The following LCT variants were observed in gnomAD, a reference collection of about 807,000 sequenced individuals.
The protein encoded by LCT is lactase/phlorizin hydrolase.
LCT carries 90 observed loss-of-function variants against 173.0 expected under a neutral mutation model. The ratio of observed to expected loss-of-function variants is 0.52; its 90% confidence interval spans 0.44 to 0.62. The LOEUF (loss-of-function observed/expected upper bound fraction) is 0.62. Ranked by LOEUF, LCT falls within the 20% of genes least tolerant of loss-of-function variation. The pLI is 0.00. For synonymous variants in LCT, 853 were observed against 957.6 expected (o/e 0.89, Z 2.02); for missense variants, 1,864 against 2,431.4 (o/e 0.77, Z 4.91).
intron 5 of LCT, among the ~76,000 whole-genome samples, chr2:135,819,097 G>A (rs2077807043): frequency 6.6e-6 from 1 of 152,186 alleles, no homozygotes; most frequent in Non-Finnish European, 1.5e-5. Context: ...ACTTCTCCTT[G>A]CACACAGCTT....
At chr2:135,829,204 A>G (rs943380944) in intron 3 of LCT, among the ~76,000 whole-genome samples, 1 of 152,030 alleles carries the variant, frequency 6.6e-6, no homozygotes, top group African/African-American at 2.4e-5. Flanking sequence ...AAAAAAAATT[A>G]CCATCATAAC....
intron 1 of LCT, 27 bp downstream of exon 1, chr2:135,836,503 G>A (rs766090329): frequency 2.5e-6 from 4 of 1,611,154 alleles, no homozygotes; most frequent in Non-Finnish European, 3.4e-6. Context: ...TTGCCGAGGG[G>A]TCACCATCAG....
At chr2:135,836,487 T>G in intron 1 of LCT, 43 bp downstream of exon 1, 1 of 1,591,536 alleles carries the variant, frequency 6.3e-7, no homozygotes. Flanking sequence ...AGGTGTGTGA[T>G]GAAGGTTGCC....
intron 1 of LCT, among the ~76,000 whole-genome samples, chr2:135,835,482 G>GTATATATATATATATATA (rs55900419): frequency 1.5e-5 from 1 of 67,948 alleles, no homozygotes; most frequent in Non-Finnish European, 4.1e-5. Flanking sequence ...GAACATAGAA[G>GTATATATATATATATATA]TATATATATA....
At chr2:135,818,213 C>G in intron 5 of LCT, 152 bp from the exon 6 acceptor site, 1 of 850,710 alleles carries the variant, frequency 1.2e-6, no homozygotes, top group Non-Finnish European at 1.9e-6. Context: ...CAGGAAGTAA[C>G]TGGCAGATGG....
In LCT at chr2:135,817,933, G is replaced by A. The variant is rs761923152; in HGVS notation, c.1115C>T (p.Ala372Val). The A allele has an allele frequency of 6.9e-5, 111 of 1,613,880 alleles. No homozygotes were observed. Among genetic ancestry groups the A allele is most frequent in the Non-Finnish European group, 8.7e-5 (103 of 1,180,012 alleles). The change falls in exon 6 of 17, where the codon GCG (alanine) becomes GTG (valine). Residue 372 changes from alanine (A) to valine (V), a missense_variant. Ala to Val is a moderately conservative substitution (Grantham distance 64, BLOSUM62 0). Coordinates refer to ENST00000264162, the MANE Select transcript of LCT (RefSeq NM_002299.4). The part of the protein sequence containing the change: ...IWEAFANQSR[A>V]ERDAFLQDTF... Reference sequence around the variant, plus strand: ...ATCCTGCAGGAAGGCATCCCTTTCCGCCCTGGACTGATTGGCAAATGCTTC... The same window carrying A: ...ATCCTGCAGGAAGGCATCCCTTTCCACCCTGGACTGATTGGCAAATGCTTC...
chr2:135,835,808 T>G (rs1679328342), intron 1 of LCT, among the ~76,000 whole-genome samples: 1 of 149,466 alleles, frequency 6.7e-6, no homozygotes, highest in Non-Finnish European at 1.5e-5. Context: ...CAATGTAAGC[T>G]CCAACTAAGA....
intron 3 of LCT, among the ~76,000 whole-genome samples, chr2:135,828,966 G>A (rs138106818): frequency 0.013 from 1,930 of 152,248 alleles, 44 homozygotes; most frequent in African/African-American, 0.044. Flanking sequence ...CAAGGTGGGC[G>A]GATCACTTTA....
At position 135,812,465 on chromosome 2, in the gene LCT, C is replaced by T. The variant is rs368409867; in HGVS notation, c.2199G>A (p.Arg733=). 4.3e-6 allele frequency: 7 copies of T among 1,614,230 alleles called. No individual in the cohort carries two copies. The highest frequency in any genetic ancestry group is 5.1e-6 in the Non-Finnish European group (6 of 1,180,036). ...SWIRVVPWGI[R]RLLQFVSLEY... ...CCAGGGATACAAACTGCAACAGCCT[C>T]CTTATCCCCCAGGGCACCACACGAA... Residue 733 remains arginine, a synonymous_variant, in exon 7 of 17, where the codon AGG becomes AGA. Coordinates refer to ENST00000264162, the MANE Select transcript of LCT (RefSeq NM_002299.4).
rs1416835781 is a variant in LCT, at chr2:135,808,868, C to T, written c.3479G>A (p.Arg1160Lys). The change falls in exon 8 of 17, where the codon AGA (arginine) becomes AAA (lysine). Residue 1160 changes from arginine to lysine, a missense_variant. By Grantham distance (26) the Arg-to-Lys change is conservative. Transcript: ENST00000264162. ...CATGGTGTCAGGATAGTCTCCGTTT[C>T]TAAAAATGGGGTGAGCAAACCAGCC... ...SLGWFAHPIF[R>K]NGDYPDTMKW... The T allele has an allele frequency of 6.2e-7, 1 of 1,614,102 alleles. No homozygotes were observed. Among genetic ancestry groups the T allele is most frequent in the Non-Finnish European group, 8.5e-7 (1 of 1,180,054 alleles).
chr2:135,793,072 A>G (rs1455511383), intron 14 of LCT, among the ~76,000 whole-genome samples: 2 of 152,190 alleles, frequency 1.3e-5, no homozygotes, highest in African/African-American at 4.8e-5. Flanking sequence ...AAGAGAAAAC[A>G]ACAACTAATT....
At chr2:135,825,904 GGCAGCAC>G (rs2077885563) in intron 3 of LCT, among the ~76,000 whole-genome samples, 1 of 152,190 alleles carries the variant, frequency 6.6e-6, no homozygotes, top group Non-Finnish European at 1.5e-5. Context: ...TGGGAAGGTG[GGCAGCAC>G]GATTCAGGCT....
Position 135,806,992 on chromosome 2 carries a change from C to T in LCT, c.4173+136G>A, listed in dbSNP as rs957199738. ...AGCCAGGCTGTCTGGAAGAGGACCT[C>T]CCAGACCCCATGCTGCCCCTCCATG... On this transcript the variant is annotated intron_variant, in intron 9 of 16. Coordinates refer to ENST00000264162, the MANE Select transcript of LCT (RefSeq NM_002299.4). 2.6e-5 allele frequency: 26 copies of T among 1,013,440 alleles called. No individual in the cohort carries two copies. The East Asian group carries it at 2.8e-4, about 11-fold the overall frequency. The allele number at this position is 1,013,440 out of a possible 1,614,324, so 62.8% of individuals were successfully genotyped here.
chr2:135,824,725 G>A (rs1018118432), intron 3 of LCT, among the ~76,000 whole-genome samples: 7 of 152,144 alleles, frequency 4.6e-5, no homozygotes, highest in African/African-American at 9.7e-5. Flanking sequence ...GCAGCCCAGC[G>A]GGTGTGGTGG....
Position 135,836,755 on chromosome 2 carries a change from T to C in LCT, c.415A>G (p.Ser139Gly), listed in dbSNP as rs1282908333. ...AAGGCTTCGGTTCTCCGGAGGGTGC[T>C]GGCAGGGAGGGTCTGGTGGTGCAGG... ...VILHHQTLPASTLRRTEAFAD... is the reference protein window; with the variant it reads ...VILHHQTLPAGTLRRTEAFAD... Residue 139 changes from serine (S) to glycine (G), a missense_variant, in exon 1 of 17, where the codon AGC becomes GGC. Physicochemically the swap from Ser to Gly is moderately conservative, Grantham distance 56. This residue lies in a region of LCT where 412 missense variants were observed against 462.0 expected (regional missense o/e 0.89). Coordinates refer to ENST00000264162, the MANE Select transcript of LCT (RefSeq NM_002299.4). 1 of 1,614,116 alleles carries C rather than the reference T, an allele frequency of 6.2e-7. No individual in the cohort carries two copies. Among genetic ancestry groups the C allele is most frequent in the Non-Finnish European group, 8.5e-7 (1 of 1,180,016 alleles).
intron 1 of LCT, among the ~76,000 whole-genome samples, chr2:135,834,936 G>C (rs967968740): frequency 1.3e-5 from 2 of 152,128 alleles, no homozygotes; most frequent in East Asian, 1.9e-4. Context: ...ACAGAATGGG[G>C]TCAGAGAGTA....
Position 135,809,798 on chromosome 2 carries a change from T to G in LCT, c.2549A>C (p.Lys850Thr). The change falls in exon 8 of 17, where the codon AAG becomes ACG. Residue 850 changes from lysine to threonine, a missense_variant. Physicochemically the swap from Lys to Thr is moderately conservative, Grantham distance 78. Transcript: ENST00000264162. This position sits in a 1 kb window ranked among gnomAD's most constrained non-coding sequence, Gnocchi z 5.5. ...SIIEKNGFLT[K>T]GAKRLLPPNT... ...AGGTGGTAGCAGTCTTTTTGCCCCC[T>G]TGGTGAGGAAACCGTTCTTTTCTAT... 3.1e-6 allele frequency: 5 copies of G among 1,614,182 alleles called. No individual in the cohort carries two copies. Among genetic ancestry groups the G allele is most frequent in the Middle Eastern group, 1.6e-4 (1 of 6,062 alleles).
Position 135,790,713 on chromosome 2 carries a change from G to A in LCT, c.5280C>T (p.Leu1760=), listed in dbSNP as rs771913548. The A allele has an allele frequency of 1.2e-6, 2 of 1,613,670 alleles. No individual in the cohort carries two copies. The highest frequency in any genetic ancestry group is 1.7e-6 in the Non-Finnish European group (2 of 1,179,994). Residue 1760 remains leucine, a synonymous_variant, in exon 15 of 17, where the codon CTC becomes CTT. Coordinates refer to ENST00000264162, the MANE Select transcript of LCT (RefSeq NM_002299.4). This position sits in a 1 kb window ranked among gnomAD's most constrained non-coding sequence, Gnocchi z 4.1. ...GGTAGTAGATCCTTGCAGTGTCATT[G>A]AGGTCTGTTTCTTCCCGCTGGGACA... ...NGVSQREETD[L]NDTARIYYLR...
chr2:135,800,768 G>T lies in LCT; in HGVS notation c.4705C>A (p.His1569Asn). 6.2e-7 allele frequency: 1 copy of T among 1,614,068 alleles called. No individual in the cohort carries two copies. Among genetic ancestry groups the T allele is most frequent in the Non-Finnish European group, 8.5e-7 (1 of 1,179,998 alleles). Residue 1569 changes from histidine (H) to asparagine (N), a missense_variant, in exon 12 of 17, where the codon CAC becomes AAC. This residue lies in a region of LCT where 514 missense variants were observed against 750.1 expected (regional missense o/e 0.69). Coordinates refer to ENST00000264162, the MANE Select transcript of LCT (RefSeq NM_002299.4). ...RPGTAPYIVG[H>N]NLIKAHAEAW... ...TCAGCATGAGCCTTTATTAGATTGT[G>T]GCCAACAATGTAGGGGGCAGTGCCA...
Sources: gnomAD v4.1 joint callset for allele counts (sites outside exome capture counted in the v4.1 genomes callset) on GRCh38, gnomAD v4.1.1 for gene constraint, gnomAD v4.1.1 regional missense constraint, Gnocchi (gnomAD v3.1) non-coding constraint, MANE v1.5 for transcripts, NCBI Gene and HGNC (gene_info 2026-07-23, HGNC 2026-07-21) for gene names.